The following TXK variants were observed in gnomAD, a reference collection of about 807,000 sequenced individuals.
The protein encoded by TXK is TXK tyrosine kinase.
Under a neutral mutation model 81.0 loss-of-function variants are expected in TXK, and 60 were observed. The ratio of observed to expected loss-of-function variants is 0.74; its 90% confidence interval spans 0.60 to 0.92. TXK has a LOEUF of 0.92. Ranked by LOEUF, TXK falls within the 40% of genes least tolerant of loss-of-function variation. The probability of loss-of-function intolerance (pLI) is 0.00; values close to 1 mark genes in which losing one functional copy is unlikely to be tolerated. For synonymous variants in TXK, 203 were observed against 210.7 expected, an observed-to-expected ratio of 0.96 and a Z score of 0.32; for missense variants, 581 against 638.3, an observed-to-expected ratio of 0.91 and a Z score of 0.97.
chr4:48,112,487 G>C lies in TXK; in HGVS notation c.200C>G (p.Ser67Ter). The C allele has an allele frequency of 1.2e-6, 2 of 1,614,044 alleles. No individual in the cohort carries two copies. Among genetic ancestry groups the C allele is most frequent in the Non-Finnish European group, 1.7e-6 (2 of 1,179,958 alleles). Reference protein sequence around the residue: ...KQSNTGRVQPSKRKPLPPLPP... With the variant: ...KQSNTGRVQP ...GAGGGGAGGCAGTGGCTTTCGTTTTGACGGCTGCACACGGCCCGTGTTGGA... is the reference window on the plus strand; with the variant it reads ...GAGGGGAGGCAGTGGCTTTCGTTTTCACGGCTGCACACGGCCCGTGTTGGA... The change falls in exon 4 of 15, where the codon TCA becomes TGA. Residue 67 changes from serine (S) to a stop codon, truncating the protein, a stop_gained. Coordinates refer to ENST00000264316, the MANE Select transcript of TXK (RefSeq NM_003328.3). LOFTEE classifies it high-confidence loss of function.
intron 13 of TXK, 132 bp from the exon 14 acceptor site, chr4:48,071,806 C>T (rs774766732): frequency 9.4e-5 from 93 of 986,338 alleles, no homozygotes; most frequent in African/African-American, 1.6e-4. Flanking sequence ...TGAATAACAG[C>T]GGTTCTGTCA....
In TXK at chr4:48,086,448, G is replaced by A; in HGVS notation, c.956+18C>T. 6.2e-7 allele frequency: 1 copy of A among 1,612,830 alleles called. No homozygotes were observed. Among genetic ancestry groups the A allele is most frequent in the Non-Finnish European group, 8.5e-7 (1 of 1,179,006 alleles). ...CAGGGCATGGTATGATATTTATCAG[G>A]GTGTTGTTTATACGTACATCATCAC... is the stretch of plus-strand genomic sequence containing the variant. On this transcript the variant is annotated intron_variant, in intron 10 of 14. Coordinates refer to ENST00000264316, the MANE Select transcript of TXK (RefSeq NM_003328.3).
chr4:48,125,070 G>A (rs894962805), intron 1 of TXK, among the ~76,000 whole-genome samples: 5 of 152,150 alleles, frequency 3.3e-5, no homozygotes, highest in Non-Finnish European at 7.3e-5. Flanking sequence ...ACTATACTAC[G>A]CCATGCTAAC....
chr4:48,120,215 GTACA>G (rs1235589947), intron 1 of TXK, among the ~76,000 whole-genome samples: 2 of 90,848 alleles, frequency 2.2e-5, no homozygotes, highest in African/African-American at 5.6e-5. Flanking sequence ...ACGTATATAT[GTACA>G]TATATACGTA....
intron 10 of TXK, 30 bp downstream of exon 10, chr4:48,086,433 TATG>T: frequency 6.2e-7 from 1 of 1,609,074 alleles, no homozygotes; most frequent in Non-Finnish European, 8.5e-7. Context: ...CAGGGCATGG[TATG>T]ATATTTATCA....
chr4:48,102,799 T>A (rs577885083), intron 6 of TXK, among the ~76,000 whole-genome samples: 1 of 152,362 alleles, frequency 6.6e-6, no homozygotes, highest in Admixed American at 6.5e-5. Flanking sequence ...CTATAGTATA[T>A]GTACCCATAA....
In TXK at chr4:48,122,470, A is replaced by G. The variant is rs555546899; in HGVS notation, c.17-8068T>C. Among the ~76,000 whole-genome samples, 8 of 152,266 alleles carry G rather than the reference A, an allele frequency of 5.3e-5. No individual in the cohort carries two copies. The South Asian group carries it at 1.2e-3, about 24-fold the overall frequency. On this transcript the variant is annotated intron_variant, in intron 1 of 14. Coordinates refer to ENST00000264316, the MANE Select transcript of TXK (RefSeq NM_003328.3). ...AGCCCCCTGATTTGACATTACGGCC[A>G]TCTGCACTCCCTAACTTTTGAGGTT...
intron 1 of TXK, among the ~76,000 whole-genome samples, chr4:48,115,852 CA>C (rs551818313): frequency 9.0e-5 from 13 of 144,404 alleles, no homozygotes; most frequent in South Asian, 2.2e-4. Flanking sequence ...GAGACTCTGT[CA>C]AAAAAAAAAC....
intron 10 of TXK, among the ~76,000 whole-genome samples, chr4:48,083,300 GT>G (rs2109414367): frequency 6.6e-6 from 1 of 152,340 alleles, no homozygotes; most frequent in African/African-American, 2.4e-5. Flanking sequence ...CCACACCTCT[GT>G]TGCATGTCCT....
chr4:48,107,151 A>G (rs1468833948), intron 5 of TXK, among the ~76,000 whole-genome samples: 1 of 151,216 alleles, frequency 6.6e-6, no homozygotes, highest in Admixed American at 6.6e-5. Flanking sequence ...GTTTAAGGAT[A>G]TCTAGTATGT....
At chr4:48,075,715 G>T (rs1180457251) in intron 12 of TXK, among the ~76,000 whole-genome samples, 1 of 152,040 alleles carries the variant, frequency 6.6e-6, no homozygotes, top group African/African-American at 2.4e-5. Flanking sequence ...GCAGCTACCT[G>T]TTTGAATGGC....
intron 9 of TXK, 121 bp from the exon 10 acceptor site, chr4:48,086,758 G>C: frequency 1.1e-6 from 1 of 917,436 alleles, no homozygotes; most frequent in East Asian, 2.6e-5. Flanking sequence ...ATAAAGTGGA[G>C]AGGATATGAA....
intron 1 of TXK, among the ~76,000 whole-genome samples, chr4:48,122,943 T>C (rs1213920191): frequency 6.6e-6 from 1 of 151,808 alleles, no homozygotes; most frequent in Admixed American, 6.5e-5. Flanking sequence ...GCTTCATAGA[T>C]ACTAGAGAAC....
chr4:48,096,544 G>A (rs548495921), intron 6 of TXK, among the ~76,000 whole-genome samples: 1 of 152,080 alleles, frequency 6.6e-6, no homozygotes, highest in South Asian at 2.1e-4. Flanking sequence ...TTTTTGAGAT[G>A]GAGTCTCGCT....
rs956048926 is a variant in TXK, at chr4:48,089,085, T to C, written c.784+665A>G. On this transcript the variant is annotated intron_variant, in intron 9 of 14. Transcript: ENST00000264316. ...AGACGATACTTTCAGCAGCTCTTTT[T>C]AGTAGCTTCTCTTGGAGAGGAATCA... Among the ~76,000 whole-genome samples the C allele has an allele frequency of 2.6e-5, 4 of 152,320 alleles. 1 individual carries two copies. In the South Asian group the frequency reaches 8.3e-4, roughly 32 times the overall value.
chr4:48,075,418 G>A (rs1717027936), intron 12 of TXK, among the ~76,000 whole-genome samples: 1 of 152,098 alleles, frequency 6.6e-6, no homozygotes, highest in Non-Finnish European at 1.5e-5. Flanking sequence ...TTTTGGAGGT[G>A]AGGTGGGTGG....
chr4:48,095,372 T>C, intron 6 of TXK, 150 bp from the exon 7 acceptor site: 1 of 613,980 alleles, frequency 1.6e-6, no homozygotes, highest in South Asian at 2.2e-5. Flanking sequence ...TCTTTACAAG[T>C]ACACAAAATC....
At chr4:48,090,401 G>A (rs1178913351) in intron 8 of TXK, among the ~76,000 whole-genome samples, 1 of 152,144 alleles carries the variant, frequency 6.6e-6, no homozygotes, top group Non-Finnish European at 1.5e-5. Context: ...GTGTTGAAGT[G>A]TGCCCATTTT....
chr4:48,070,900 T>G lies in TXK; in HGVS notation c.1515+617A>C, dbSNP rs1038038465. Among the ~76,000 whole-genome samples, 111 of 140,420 alleles carry G rather than the reference T, an allele frequency of 7.9e-4. 2 individuals carry two copies. The highest frequency in any genetic ancestry group is 2.8e-4 in the Non-Finnish European group (18 of 64,864). The allele number at this position is 140,420 out of a possible 152,430, so 92.1% of individuals were successfully genotyped here. A position where few individuals can be genotyped will look rare whatever the true frequency, so the allele number is the denominator to read the frequency against. On this transcript the variant is annotated intron_variant, in intron 14 of 14. Coordinates refer to ENST00000264316, the MANE Select transcript of TXK (RefSeq NM_003328.3). ...AGCCTCCATCATTTAATTCTTTTTTTTTTTTTTTTTTTTTTTGAGATGGAG... is the reference window on the plus strand; with the variant it reads ...AGCCTCCATCATTTAATTCTTTTTTGTTTTTTTTTTTTTTTTGAGATGGAG...
Sources: gnomAD v4.1 joint callset for allele counts (sites outside exome capture counted in the v4.1 genomes callset) on GRCh38, gnomAD v4.1.1 for gene constraint, MANE v1.5 for transcripts, NCBI Gene and HGNC (gene_info 2026-07-23, HGNC 2026-07-21) for gene names.